NCAM2: variants seen among roughly 807,000 people sequenced by gnomAD.
NCAM2 encodes N-CAM-2.
In NCAM2, 30 loss-of-function variants were observed where a neutral mutation model predicts 98.1. The observed-to-expected ratio is 0.31, with a 90% CI of 0.23 to 0.41. NCAM2 has a LOEUF of 0.41. Ranked by LOEUF, NCAM2 falls within the 10% of genes least tolerant of loss-of-function variation. The pLI is 1.00. For missense variants in NCAM2, 867 were observed against 1,005.8 expected (o/e 0.86, Z 1.87); for synonymous variants, 368 against 342.4 (o/e 1.07, Z -0.83).
chr21:21,004,724 A>C (rs563337773), intron 1 of NCAM2, among the ~76,000 whole-genome samples: 2 of 152,244 alleles, frequency 1.3e-5, no homozygotes, highest in African/African-American at 4.8e-5. Flanking sequence ...GTGTTTACTA[A>C]CTGACAGGCT....
chr21:21,403,233 C>G, intron 9 of NCAM2, among the ~76,000 whole-genome samples: 1 of 152,126 alleles, frequency 6.6e-6, no homozygotes, highest in East Asian at 1.9e-4. Flanking sequence ...GACATTTTAA[C>G]TGCTCACAAA....
chr21:21,253,795 T>C (rs1175562780), intron 1 of NCAM2, among the ~76,000 whole-genome samples: 3 of 152,184 alleles, frequency 2.0e-5, no homozygotes, highest in Non-Finnish European at 2.9e-5. Context: ...TATGAACTTG[T>C]AGATATCAGG....
At chr21:21,416,372 C>A (rs2145945522) in intron 10 of NCAM2, among the ~76,000 whole-genome samples, 1 of 151,460 alleles carries the variant, frequency 6.6e-6, no homozygotes, top group Middle Eastern at 3.4e-3. Flanking sequence ...AATAATAATG[C>A]AAAGTTTAAA....
At chr21:21,054,113 T>C (rs781212188) in intron 1 of NCAM2, among the ~76,000 whole-genome samples, 10 of 151,976 alleles carry the variant, frequency 6.6e-5, no homozygotes, top group Admixed American at 2.6e-4. Context: ...CTCTACTTTT[T>C]ATAAAATAAA....
chr21:21,158,893 G>T (rs550101562), intron 1 of NCAM2, among the ~76,000 whole-genome samples: 1 of 152,048 alleles, frequency 6.6e-6, no homozygotes, highest in African/African-American at 2.4e-5. Context: ...TTATAAAAGA[G>T]AAAACGTAAC....
At chr21:21,532,641 A>G (rs1339916839) in intron 16 of NCAM2, among the ~76,000 whole-genome samples, 3 of 152,196 alleles carry the variant, frequency 2.0e-5, no homozygotes, top group African/African-American at 7.2e-5. Flanking sequence ...TGTTAATATA[A>G]GAAAATGTTT....
At chr21:21,083,622 C>T (rs1370568948) in intron 1 of NCAM2, among the ~76,000 whole-genome samples, 4 of 151,976 alleles carry the variant, frequency 2.6e-5, no homozygotes, top group African/African-American at 9.7e-5. Context: ...ACTATGTTGC[C>T]CAGGCTGGTC....
At chr21:21,159,867 A>T (rs1159350728) in intron 1 of NCAM2, among the ~76,000 whole-genome samples, 1 of 152,106 alleles carries the variant, frequency 6.6e-6, no homozygotes, top group Non-Finnish European at 1.5e-5. Context: ...AATGTAAAAA[A>T]AATGAGTATA....
Position 21,513,668 on chromosome 21 carries a change from T to C in NCAM2, c.2282+4613T>C, listed in dbSNP as rs554987998. Among the ~76,000 whole-genome samples the C allele has an allele frequency of 9.9e-5, 15 of 152,258 alleles. No homozygotes were observed. The South Asian group carries it at 3.1e-3, about 32-fold the overall frequency. ...TGCTGAGGAGAAGAAAGTGTATTCT[T>C]AAAAACGTGGATGAAATGTTCTTTA... On this transcript the variant is annotated intron_variant, in intron 16 of 17. Transcript: ENST00000400546.
At chr21:21,269,990 A>G (rs539821931) in intron 1 of NCAM2, among the ~76,000 whole-genome samples, 3 of 152,202 alleles carry the variant, frequency 2.0e-5, no homozygotes. Context: ...TGCTAACCTT[A>G]GTCTGGAGAG....
At chr21:21,258,459 G>A (rs1246425895) in intron 1 of NCAM2, among the ~76,000 whole-genome samples, 1 of 152,170 alleles carries the variant, frequency 6.6e-6, no homozygotes, top group Non-Finnish European at 1.5e-5. Flanking sequence ...GGTAGAGATT[G>A]ACTCCTGAGG....
At chr21:21,254,620 T>C (rs1399739875) in intron 1 of NCAM2, among the ~76,000 whole-genome samples, 1 of 152,208 alleles carries the variant, frequency 6.6e-6, no homozygotes, top group African/African-American at 2.4e-5. Context: ...CTTCTTACCA[T>C]GCTAATGGCT....
intron 1 of NCAM2, among the ~76,000 whole-genome samples, chr21:21,154,166 T>A (rs2067538100): frequency 6.6e-6 from 1 of 151,816 alleles, no homozygotes; most frequent in South Asian, 2.1e-4. Flanking sequence ...GATAACATCA[T>A]AAAGAAACAA....
intron 9 of NCAM2, among the ~76,000 whole-genome samples, chr21:21,388,999 G>T (rs1320332786): frequency 6.6e-6 from 1 of 152,166 alleles, no homozygotes; most frequent in Non-Finnish European, 1.5e-5. Flanking sequence ...GCAAGCAAAA[G>T]TGTGTAATCC....
Position 21,007,610 on chromosome 21 carries a change from C to T in NCAM2, c.55+8992C>T, listed in dbSNP as rs562129420. ...GATATAAGGTAACTTCCACAAGTTT[C>T]CATGACATCTGTAAACTATTATGGT... is the stretch of plus-strand genomic sequence containing the variant. On this transcript the variant is annotated intron_variant, in intron 1 of 17. Transcript: ENST00000400546. Among the ~76,000 whole-genome samples the T allele has an allele frequency of 2.0e-5, 3 of 152,238 alleles. No individual in the cohort carries two copies. In the South Asian group the frequency reaches 6.2e-4, roughly 32 times the overall value.
chr21:21,508,311 A>G (rs937745087), intron 15 of NCAM2, among the ~76,000 whole-genome samples: 4 of 152,184 alleles, frequency 2.6e-5, no homozygotes, highest in Non-Finnish European at 4.4e-5. Context: ...ATATTCATAA[A>G]AAGGTATATT....
rs937385671 is a variant in NCAM2 at position 21,147,661 on chromosome 21, A to G, written c.56-132917A>G. Among the ~76,000 whole-genome samples the G allele has an allele frequency of 5.4e-5, 8 of 149,166 alleles. No homozygotes were observed. The East Asian group carries it at 5.9e-4, about 11-fold the overall frequency. Reference sequence around the variant, plus strand: ...ACAGATATATATTTAATAAATTTATATATATACACACTAGCGCATATGCAC... The same window carrying G: ...ACAGATATATATTTAATAAATTTATGTATATACACACTAGCGCATATGCAC... On this transcript the variant is annotated intron_variant, in intron 1 of 17. Transcript: ENST00000400546.
intron 12 of NCAM2, among the ~76,000 whole-genome samples, chr21:21,438,474 C>T (rs1978724255): frequency 6.6e-6 from 1 of 152,138 alleles, no homozygotes; most frequent in African/African-American, 2.4e-5. Context: ...TACTAATTAT[C>T]CCAACCAATG....
intron 1 of NCAM2, among the ~76,000 whole-genome samples, chr21:21,034,595 T>C (rs6417711): frequency 0.99 from 150,822 of 152,312 alleles, 74,695 homozygotes; most frequent in East Asian, 1. Flanking sequence ...ATCAGAAAAA[T>C]GGAAGAAAAA....
Sources: allele counts gnomAD v4.1 joint callset (sites outside exome capture counted in the v4.1 genomes callset), GRCh38; gene constraint gnomAD v4.1.1; transcripts MANE v1.5; gene names NCBI Gene and HGNC (gene_info 2026-07-23, HGNC 2026-07-21).